DPP4: variants seen among roughly 807,000 people sequenced by gnomAD.
The protein encoded by DPP4 is dipeptidyl peptidase 4, also known as ADCP-2.
DPP4 carries 93 observed loss-of-function variants against 122.4 expected under a neutral mutation model. The observed-to-expected ratio is 0.76, with a 90% CI of 0.64 to 0.90. DPP4 has a LOEUF of 0.90. DPP4 is among the 40% of genes least tolerant of loss of function. The probability of loss-of-function intolerance (pLI) is 0.00; values close to 1 mark genes in which losing one functional copy is unlikely to be tolerated. For synonymous variants in DPP4, 321 were observed against 302.9 expected, an observed-to-expected ratio of 1.06 and a Z score of -0.62; for missense variants, 914 against 907.3, an observed-to-expected ratio of 1.01 and a Z score of -0.09.
At chr2:162,065,838 A>C (rs1684929016) in intron 2 of DPP4, among the ~76,000 whole-genome samples, 1 of 152,116 alleles carries the variant, frequency 6.6e-6, no homozygotes, top group African/African-American at 2.4e-5. Context: ...GATTGTAGTT[A>C]ATGTTTATGT....
chr2:161,994,834 G>A (rs751123452), intron 25 of DPP4, 127 bp downstream of exon 25: 20 of 818,634 alleles, frequency 2.4e-5, no homozygotes, highest in South Asian at 6.6e-5. Context: ...CTGACTTCAC[G>A]TTGAAAAAAA....
chr2:162,039,068 T>C (rs201622413), intron 6 of DPP4, 47 bp from the exon 7 acceptor site: 10 of 1,611,946 alleles, frequency 6.2e-6, no homozygotes, highest in East Asian at 2.2e-5. Context: ...ATAACTCACA[T>C]TGGGGTTTCC....
intron 19 of DPP4, among the ~76,000 whole-genome samples, chr2:162,013,273 T>C (rs1169544890): frequency 6.6e-6 from 1 of 152,144 alleles, no homozygotes. Flanking sequence ...TCAAAGAAGA[T>C]AAAAATATCA....
Position 162,008,656 on chromosome 2 carries a change from A to C in DPP4, c.1893T>G (p.Tyr631Ter). 6.2e-7 allele frequency: 1 copy of C among 1,613,414 alleles called. No homozygotes were observed. Among genetic ancestry groups the C allele is most frequent in the Middle Eastern group, 1.7e-4 (1 of 6,058 alleles). The change falls in exon 22 of 26, where the codon TAT becomes TAG. Residue 631 changes from tyrosine to a stop codon, truncating the protein, a stop_gained. Coordinates refer to ENST00000360534, the MANE Select transcript of DPP4 (RefSeq NM_001935.4). LOFTEE classifies it high-confidence loss of function. ...GGACCATTGAGGTTACGTACCCTCCATATGACTAAGGAATGGAAACAGTTA... is the reference window on the plus strand; with the variant it reads ...GGACCATTGAGGTTACGTACCCTCCCTATGACTAAGGAATGGAAACAGTTA... ...NKRIAIWGWS[Y>*]GGYVTSMVLG...
chr2:162,005,632 C>A, intron 23 of DPP4, 113 bp downstream of exon 23: 1 of 947,762 alleles, frequency 1.1e-6, no homozygotes, highest in Non-Finnish European at 1.6e-6. Context: ...TTTCTTTTAA[C>A]AAGAATTTTG....
chr2:162,052,432 G>A (rs1366452839), intron 2 of DPP4, among the ~76,000 whole-genome samples: 1 of 151,724 alleles, frequency 6.6e-6, no homozygotes, highest in Non-Finnish European at 1.5e-5. Context: ...GAGAGACAAT[G>A]CCTTCGATGG....
intron 23 of DPP4, among the ~76,000 whole-genome samples, chr2:161,998,457 C>T (rs1701061337): frequency 6.6e-6 from 1 of 152,132 alleles, no homozygotes; most frequent in African/African-American, 2.4e-5. Context: ...AACACTCAGA[C>T]CTGACCCAAA....
intron 23 of DPP4, among the ~76,000 whole-genome samples, chr2:161,999,513 G>T (rs1559703777): frequency 6.6e-6 from 1 of 152,168 alleles, no homozygotes; most frequent in Non-Finnish European, 1.5e-5. Flanking sequence ...CTTCCGGAGA[G>T]CCCCGCTGCC....
At chr2:162,022,656 T>C (rs1683172370) in intron 12 of DPP4, 99 bp downstream of exon 12, 1 of 1,114,488 alleles carries the variant, frequency 9.0e-7, no homozygotes, top group Admixed American at 1.8e-5. Context: ...AATATTGCTA[T>C]TAATAACGTA....
At chr2:162,050,097 T>C (rs771313402) in intron 2 of DPP4, among the ~76,000 whole-genome samples, 10 of 152,204 alleles carry the variant, frequency 6.6e-5, no homozygotes, top group Non-Finnish European at 1.5e-4. Flanking sequence ...ACAGAAAATA[T>C]TTGAAACTCA....
intron 2 of DPP4, among the ~76,000 whole-genome samples, chr2:162,054,458 T>C (rs1684497392): frequency 6.6e-6 from 1 of 152,174 alleles, no homozygotes; most frequent in Non-Finnish European, 1.5e-5. Context: ...GAAAAGCACA[T>C]GAAGTTTGGG....
intron 24 of DPP4, 119 bp from the exon 25 acceptor site, chr2:161,995,153 A>G (rs1261233524): frequency 1.5e-6 from 2 of 1,330,056 alleles, no homozygotes; most frequent in African/African-American, 2.9e-5. Context: ...TCAGCATCCC[A>G]TTTAGCCCAA....
chr2:162,039,973 A>G (rs1341280427), intron 5 of DPP4, among the ~76,000 whole-genome samples: 8 of 152,116 alleles, frequency 5.3e-5, no homozygotes, highest in African/African-American at 1.4e-4. Context: ...AAAATGGGAT[A>G]TCACAACAGA....
At chr2:162,070,771 C>T (rs1358876553) in intron 2 of DPP4, among the ~76,000 whole-genome samples, 1 of 152,166 alleles carries the variant, frequency 6.6e-6, no homozygotes, top group Non-Finnish European at 1.5e-5. Flanking sequence ...GAGCTTTTAT[C>T]TTTATTCCTA....
At chr2:161,999,196 A>G (rs943047121) in intron 23 of DPP4, among the ~76,000 whole-genome samples, 96 of 152,156 alleles carry the variant, frequency 6.3e-4, no homozygotes, top group Non-Finnish European at 8.7e-4. Context: ...CTCAATTAAC[A>G]CCCTTTACAG....
Position 162,014,374 on chromosome 2 carries a change from C to T in DPP4, c.1637+22G>A, listed in dbSNP as rs1202348163. On this transcript the variant is annotated intron_variant, in intron 19 of 25. Transcript: ENST00000360534. ...TATATGACTCAATACTTCTAAATTGCTCCCTTCTCTTGAATACTTACACAT... is the reference window on the plus strand; with the variant it reads ...TATATGACTCAATACTTCTAAATTGTTCCCTTCTCTTGAATACTTACACAT... 3 of 1,580,732 alleles carry T rather than the reference C, an allele frequency of 1.9e-6. No individual in the cohort carries two copies. In the Admixed American group the frequency reaches 5.2e-5, roughly 27 times the overall value.
chr2:162,012,937 G>A (rs763273527), intron 19 of DPP4, among the ~76,000 whole-genome samples: 39 of 151,978 alleles, frequency 2.6e-4, no homozygotes, highest in African/African-American at 2.9e-4. Flanking sequence ...AAGAACTTTC[G>A]TTTTAAACAA....
At position 162,019,272 on chromosome 2, in the gene DPP4, A is replaced by G; in HGVS notation, c.1249T>C (p.Tyr417His). The part of the protein sequence containing the change: ...IEALTSDYLY[Y>H]ISNEYKGMPG... Reference sequence around the variant, plus strand: ...ATTCCTTTATATTCATTACTAATGTAGTATCTAGGAAGAGAAAAAAATGAA... The same window carrying G: ...ATTCCTTTATATTCATTACTAATGTGGTATCTAGGAAGAGAAAAAAATGAA... The change falls in exon 15 of 26, where the codon TAC becomes CAC. Residue 417 changes from tyrosine to histidine, a missense_variant. Transcript: ENST00000360534. The G allele has an allele frequency of 6.5e-7, 1 of 1,539,034 alleles. No individual in the cohort carries two copies.
chr2:162,029,719 T>C (rs899262995), intron 10 of DPP4, among the ~76,000 whole-genome samples: 1 of 152,198 alleles, frequency 6.6e-6, no homozygotes, highest in African/African-American at 2.4e-5. Context: ...GGGTATGTCA[T>C]GAGCTGGGTG....
Sources: gnomAD v4.1 joint callset for allele counts (sites outside exome capture counted in the v4.1 genomes callset) on GRCh38, gnomAD v4.1.1 for gene constraint, MANE v1.5 for transcripts, NCBI Gene and HGNC (gene_info 2026-07-23, HGNC 2026-07-21) for gene names.